The following MAML3 variants were observed in gnomAD, a reference collection of about 807,000 sequenced individuals.
MAML3 encodes mastermind-like protein 3.
MAML3 carries 27 observed loss-of-function variants against 101.9 expected under a neutral mutation model. That is an observed-to-expected ratio of 0.27 (90% confidence interval 0.20 to 0.37). The LOEUF (loss-of-function observed/expected upper bound fraction) is 0.37, where lower values mean the gene tolerates loss of function less well. Among genes scored for constraint, MAML3 ranks in the 10% least tolerant of loss-of-function variants. MAML3 has a pLI of 1.00. For missense variants in MAML3, 1,316 were observed against 1,444.9 expected, an observed-to-expected ratio of 0.91 and a Z score of 1.45; for synonymous variants, 501 against 555.9, an observed-to-expected ratio of 0.90 and a Z score of 1.39.
Position 139,941,752 on chromosome 4 carries a change from G to A in MAML3, c.469-50785C>T, listed in dbSNP as rs891376846. Among the ~76,000 whole-genome samples the A allele has an allele frequency of 1.9e-4, 29 of 152,210 alleles. 1 individual carries two copies. Among genetic ancestry groups the A allele is most frequent in the South Asian group, 4.2e-4 (2 of 4,818 alleles). On this transcript the variant is annotated intron_variant, in intron 1 of 4. Coordinates refer to ENST00000509479, the MANE Select transcript of MAML3 (RefSeq NM_018717.5). ...GCAAGACAGTGATGATCAGCTTTGC[G>A]CCCGATGGTCTAATATGCTCTTATA...
At chr4:139,766,222 A>G (rs1330191084) in intron 2 of MAML3, among the ~76,000 whole-genome samples, 1 of 151,840 alleles carries the variant, frequency 6.6e-6, no homozygotes, top group Non-Finnish European at 1.5e-5. Context: ...CCCAGGCTGG[A>G]GTGCAGTGGC....
chr4:139,814,260 A>G (rs1327574456), intron 2 of MAML3, among the ~76,000 whole-genome samples: 1 of 152,228 alleles, frequency 6.6e-6, no homozygotes, highest in African/African-American at 2.4e-5. Context: ...TACTAGAAGA[A>G]GTAGCTAAAA....
chr4:139,922,960 G>T (rs1411603861), intron 1 of MAML3, among the ~76,000 whole-genome samples: 2 of 152,300 alleles, frequency 1.3e-5, no homozygotes, highest in East Asian at 3.9e-4. Context: ...TTGCAGGGGT[G>T]CCGGGTAGAT....
intron 2 of MAML3, among the ~76,000 whole-genome samples, chr4:139,766,275 G>GA (rs1729858234): frequency 6.6e-6 from 1 of 152,012 alleles, no homozygotes. Flanking sequence ...GGGTTCAAGC[G>GA]ATTCTCCTGC....
chr4:140,092,088 G>GTGTA (rs1553974737), intron 1 of MAML3, among the ~76,000 whole-genome samples: 2 of 76,086 alleles, frequency 2.6e-5, no homozygotes, highest in African/African-American at 4.5e-5. Flanking sequence ...ATATATATAC[G>GTGTA]TATATATATA....
chr4:139,946,668 T>C (rs997111523), intron 1 of MAML3, among the ~76,000 whole-genome samples: 3 of 152,114 alleles, frequency 2.0e-5, no homozygotes, highest in African/African-American at 7.2e-5. Flanking sequence ...GTGAAATCCT[T>C]CCAAACAGCC....
chr4:140,117,721 T>C (rs1224662503), intron 1 of MAML3, among the ~76,000 whole-genome samples: 1 of 151,616 alleles, frequency 6.6e-6, no homozygotes, highest in Admixed American at 6.6e-5. Context: ...AATAGAAAAA[T>C]TGATCTAATC....
rs537886094 is a variant in MAML3 at position 140,134,889 on chromosome 4, C to T, written c.468+17971G>A. On this transcript the variant is annotated intron_variant, in intron 1 of 4. Coordinates refer to ENST00000509479, the MANE Select transcript of MAML3 (RefSeq NM_018717.5). ...ACAATGGCACGGGCTACAGCCCCTC[C>T]TCATGGAGTGTGATTCTCTCTGAGC... Among the ~76,000 whole-genome samples the T allele has an allele frequency of 3.9e-5, 6 of 152,354 alleles. No homozygotes were observed. The South Asian group carries it at 1.2e-3, about 32-fold the overall frequency.
intron 2 of MAML3, among the ~76,000 whole-genome samples, chr4:139,756,420 A>G (rs556609622): frequency 1.8e-4 from 28 of 152,356 alleles, no homozygotes; most frequent in Non-Finnish European, 3.4e-4. Flanking sequence ...CACATGGCTG[A>G]AGACAGAAAG....
At chr4:139,862,428 C>G (rs1212541015) in intron 2 of MAML3, among the ~76,000 whole-genome samples, 1 of 152,212 alleles carries the variant, frequency 6.6e-6, no homozygotes, top group African/African-American at 2.4e-5. Context: ...CAACTCCAAA[C>G]TGCGTTTGAC....
chr4:139,904,426 G>A (rs1466018803), intron 1 of MAML3, among the ~76,000 whole-genome samples: 2 of 152,166 alleles, frequency 1.3e-5, no homozygotes, highest in East Asian at 1.9e-4. Context: ...GTAGGGACAC[G>A]CTACTGAACA....
Position 139,770,869 on chromosome 4 carries a change from A to C in MAML3, c.2080-40202T>G, listed in dbSNP as rs1729961192. Among the ~76,000 whole-genome samples the C allele has an allele frequency of 2.6e-5, 4 of 152,328 alleles. No individual in the cohort carries two copies. In the South Asian group the frequency reaches 8.3e-4, roughly 32 times the overall value. ...CAAAATGTATCCAGCAGAAAGGATG[A>C]GTGGATAGGACTAGGGAGAGGAGGG... On this transcript the variant is annotated intron_variant, in intron 2 of 4. Coordinates refer to ENST00000509479, the MANE Select transcript of MAML3 (RefSeq NM_018717.5).
intron 2 of MAML3, among the ~76,000 whole-genome samples, chr4:139,825,848 T>C (rs181833639): frequency 1.6e-4 from 25 of 151,680 alleles, no homozygotes; most frequent in African/African-American, 1.2e-4. Flanking sequence ...TGAGGAACAA[T>C]AGATAACCAG....
intron 2 of MAML3, among the ~76,000 whole-genome samples, chr4:139,791,540 A>G (rs1730414204): frequency 6.6e-6 from 1 of 151,788 alleles, no homozygotes; most frequent in Non-Finnish European, 1.5e-5. Flanking sequence ...TTATCTAAAT[A>G]AACTGTCACT....
At chr4:139,799,527 A>C (rs1184200677) in intron 2 of MAML3, among the ~76,000 whole-genome samples, 1 of 152,214 alleles carries the variant, frequency 6.6e-6, no homozygotes, top group East Asian at 1.9e-4. Context: ...AAGAAAACCC[A>C]AAAATCCAAG....
chr4:139,722,724 G>C (rs1728285482), intron 4 of MAML3, among the ~76,000 whole-genome samples: 1 of 152,174 alleles, frequency 6.6e-6, no homozygotes, highest in Non-Finnish European at 1.5e-5. Flanking sequence ...CAGTCATTAA[G>C]ACCTTTGAAA....
chr4:140,102,572 C>G (rs762395762), intron 1 of MAML3, among the ~76,000 whole-genome samples: 1 of 152,150 alleles, frequency 6.6e-6, no homozygotes, highest in African/African-American at 2.4e-5. Flanking sequence ...GGATTAGGGC[C>G]CCACCCTTAT....
chr4:139,726,086 T>C (rs1728463352), intron 3 of MAML3, among the ~76,000 whole-genome samples: 1 of 152,218 alleles, frequency 6.6e-6, no homozygotes, highest in Admixed American at 6.5e-5. Flanking sequence ...CTCGTGCCCC[T>C]TCCAGTCATC....
intron 1 of MAML3, among the ~76,000 whole-genome samples, chr4:140,038,892 A>C (rs879589750): frequency 4.6e-5 from 7 of 152,120 alleles, no homozygotes; most frequent in Non-Finnish European, 8.8e-5. Flanking sequence ...GCACTTTGGG[A>C]GGCTGAGGTG....
Sources: gnomAD v4.1 joint callset for allele counts (sites outside exome capture counted in the v4.1 genomes callset) on GRCh38, gnomAD v4.1.1 for gene constraint, MANE v1.5 for transcripts, NCBI Gene and HGNC (gene_info 2026-07-23, HGNC 2026-07-21) for gene names.